The following ZDHHC14 variants were observed in gnomAD, a reference collection of about 807,000 sequenced individuals.
The protein encoded by ZDHHC14 is zDHHC palmitoyltransferase 14.
A neutral mutation model predicts 47.7 loss-of-function variants in ZDHHC14; 16 were observed. The ratio of observed to expected loss-of-function variants is 0.34; its 90% CI spans 0.23 to 0.51. The LOEUF (loss-of-function observed/expected upper bound fraction) is 0.51. ZDHHC14 is among the 20% of genes least tolerant of loss of function. The pLI, the probability that ZDHHC14 is intolerant of heterozygous loss-of-function variation, is 0.97. For synonymous variants in ZDHHC14, 293 were observed against 278.9 expected (o/e 1.05, Z -0.50); for missense variants, 515 against 662.5 (o/e 0.78, Z 2.44).
chr6:157,611,384 T>A (rs1369532153), intron 3 of ZDHHC14, among the ~76,000 whole-genome samples: 1 of 152,222 alleles, frequency 6.6e-6, no homozygotes, highest in Non-Finnish European at 1.5e-5. Flanking sequence ...AGGTATCACG[T>A]CTTTTTTATT....
chr6:157,542,872 C>T lies in ZDHHC14; in HGVS notation c.406+127C>T, dbSNP rs937289442. The stretch of plus-strand genomic sequence containing the variant: ...GGGAAGGAAGGAGGCCAGAAGTCAG[C>T]GTTCCTTAGCTCGCTGGGTGGGCAG... On this transcript the variant is annotated intron_variant, in intron 2 of 8. Coordinates refer to ENST00000359775, the MANE Select transcript of ZDHHC14 (RefSeq NM_024630.3). The T allele has an allele frequency of 6.0e-5, 70 of 1,167,930 alleles. No individual in the cohort carries two copies. The African/African-American group carries it at 7.6e-4, about 13-fold the overall frequency. 72.3% of individuals were successfully genotyped at this position (1,167,930 alleles called of 1,614,324 possible).
intron 2 of ZDHHC14, among the ~76,000 whole-genome samples, chr6:157,550,335 C>T (rs143645136): frequency 1.3e-4 from 20 of 151,264 alleles, no homozygotes; most frequent in Admixed American, 3.3e-4. Context: ...GAGACCACAG[C>T]GTCACACAGG....
rs201912099 is a variant in ZDHHC14 at position 157,492,431 on chromosome 6, C to CAAAGCGGG, written c.246-50135_246-50128dup. On this transcript the variant is annotated intron_variant, in intron 1 of 8. Transcript: ENST00000359775. The stretch of plus-strand genomic sequence containing the variant: ...GGAAATCAGGAAAGTGGGAAACCGG[C>CAAAGCGGG]AAAGCGGGAAAGCGGGAAAGCGGGA... Among the ~76,000 whole-genome samples, 430 of 151,750 alleles carry CAAAGCGGG rather than the reference C, an allele frequency of 2.8e-3. 3 individuals are homozygous for CAAAGCGGG. The highest frequency in any genetic ancestry group is 9.4e-3 in the African/African-American group (387 of 41,170).
intron 1 of ZDHHC14, among the ~76,000 whole-genome samples, chr6:157,450,524 A>AG (rs2114802077): frequency 6.6e-6 from 1 of 151,714 alleles, no homozygotes; most frequent in East Asian, 1.9e-4. Flanking sequence ...CTTAAAAAAA[A>AG]AAAAAAAAAA....
chr6:157,651,898 C>T (rs1025059741), intron 7 of ZDHHC14, among the ~76,000 whole-genome samples: 2 of 151,098 alleles, frequency 1.3e-5, no homozygotes, highest in Admixed American at 6.6e-5. Flanking sequence ...CACTGGCTCT[C>T]TCCCATGAGA....
chr6:157,629,810 CT>C lies in ZDHHC14; in HGVS notation c.703+1325del. The C allele has an allele frequency of 2.0e-5, 3 of 152,132 alleles. No individual in the cohort carries two copies. The East Asian group carries it at 5.8e-4, about 29-fold the overall frequency. 9.4% of individuals were successfully genotyped at this position (152,132 alleles called of 1,614,324 possible). A position where few individuals can be genotyped will look rare whatever the true frequency, so the allele number is the denominator to read the frequency against. ...ACCCTCTCCCTCTATTTTCAAAGTC[CT>C]CAAAATGGCAAAAATGTGGCTAGGG... On this transcript the variant is annotated intron_variant, in intron 4 of 8. Transcript: ENST00000359775.
In ZDHHC14 at chr6:157,635,924, A is replaced by G. The variant is rs745437598; in HGVS notation, c.752+3042A>G. ...ATTGGCCCAGTTTTTGAAAACGCAT[A>G]GAAGTCTCAGCCGCTGCCTTTCCAA... On this transcript the variant is annotated intron_variant, in intron 5 of 8. Transcript: ENST00000359775. 2.6e-5 allele frequency among the ~76,000 whole-genome samples: 4 copies of G among 152,342 alleles called. No homozygotes were observed. The East Asian group carries it at 7.7e-4, about 29-fold the overall frequency.
chr6:157,498,723 C>T (rs1780127020), intron 1 of ZDHHC14, among the ~76,000 whole-genome samples: 1 of 152,158 alleles, frequency 6.6e-6, no homozygotes, highest in Non-Finnish European at 1.5e-5. Context: ...GTCTCTTGTC[C>T]TGCTTTATTT....
intron 1 of ZDHHC14, among the ~76,000 whole-genome samples, chr6:157,425,967 G>T (rs754079678): frequency 2.0e-5 from 3 of 152,134 alleles, no homozygotes; most frequent in Non-Finnish European, 4.4e-5. Flanking sequence ...CATCTCAATA[G>T]GCACTTCCTC....
chr6:157,624,321 C>T (rs992982628), intron 3 of ZDHHC14, among the ~76,000 whole-genome samples: 1 of 152,228 alleles, frequency 6.6e-6, no homozygotes, highest in Non-Finnish European at 1.5e-5. Context: ...GATGGGCCAC[C>T]ATGTGAGGTC....
chr6:157,540,136 G>C (rs906469442), intron 1 of ZDHHC14, among the ~76,000 whole-genome samples: 1 of 152,174 alleles, frequency 6.6e-6, no homozygotes, highest in African/African-American at 2.4e-5. Context: ...TTCTGGGATG[G>C]CTCTGAACAA....
intron 1 of ZDHHC14, among the ~76,000 whole-genome samples, chr6:157,421,224 G>A (rs1778093491): frequency 6.6e-6 from 1 of 152,020 alleles, no homozygotes; most frequent in Admixed American, 6.6e-5. Context: ...AACTGCCTGG[G>A]CGCGGTGGCT....
rs557820232 is a variant in ZDHHC14 at position 157,677,442 on chromosome 6, C to T, written c.*4320C>T. 1 of 151,888 alleles carries T rather than the reference C, an allele frequency of 6.6e-6. No individual in the cohort carries two copies. The highest frequency in any genetic ancestry group is 1.9e-4 in the East Asian group (1 of 5,178). The allele number at this position is 151,888 out of a possible 1,614,324, so 9.4% of individuals were successfully genotyped here. ...TTGTCCATGGTCCTGATAATAGAGC[C>T]AAGATGGATTTTCACATGTAAGGTG... On this transcript the variant is annotated 3_prime_UTR_variant, in exon 9 of 9. Transcript: ENST00000359775.
chr6:157,456,036 G>A (rs2114808240), intron 1 of ZDHHC14, among the ~76,000 whole-genome samples: 1 of 152,242 alleles, frequency 6.6e-6, no homozygotes, highest in South Asian at 2.1e-4. Context: ...TGCTTTTTCG[G>A]CGAGGATTTA....
At chr6:157,556,698 C>T (rs988758590) in intron 2 of ZDHHC14, among the ~76,000 whole-genome samples, 1 of 145,464 alleles carries the variant, frequency 6.9e-6, no homozygotes, top group African/African-American at 2.7e-5. Flanking sequence ...TCCAGGGAGA[C>T]AGCTCAGAGC....
intron 1 of ZDHHC14, among the ~76,000 whole-genome samples, chr6:157,484,303 A>ACG (rs1779711393): frequency 1.7e-5 from 2 of 117,952 alleles, no homozygotes; most frequent in Admixed American, 1.9e-4. Flanking sequence ...GTATATATAT[A>ACG]TACATATATA....
At chr6:157,390,267 A>AT (rs958134129) in intron 1 of ZDHHC14, among the ~76,000 whole-genome samples, 5 of 151,426 alleles carry the variant, frequency 3.3e-5, no homozygotes, top group Admixed American at 1.3e-4. Flanking sequence ...CTTAGTTGTT[A>AT]TTTTTTTTAG....
chr6:157,442,986 G>A (rs1314211312), intron 1 of ZDHHC14, among the ~76,000 whole-genome samples: 1 of 152,128 alleles, frequency 6.6e-6, no homozygotes, highest in Admixed American at 6.5e-5. Context: ...GGCCTCTTGG[G>A]TTAGGGTCTG....
intron 3 of ZDHHC14, among the ~76,000 whole-genome samples, chr6:157,596,025 G>T (rs1032399731): frequency 6.6e-6 from 1 of 152,196 alleles, no homozygotes; most frequent in African/African-American, 2.4e-5. Flanking sequence ...CCAGCTCCGT[G>T]GGGGACAGGT....
Sources: gnomAD v4.1 joint callset for allele counts (sites outside exome capture counted in the v4.1 genomes callset) on GRCh38, gnomAD v4.1.1 for gene constraint, MANE v1.5 for transcripts, NCBI Gene and HGNC (gene_info 2026-07-23, HGNC 2026-07-21) for gene names.